Variants in DPP8 observed in about 807,000 individuals in gnomAD.
DPP8 encodes the protein DPP VIII.
In DPP8, 31 loss-of-function variants were observed where a neutral mutation model predicts 107.5. The observed-to-expected ratio is 0.29, with a 90% CI of 0.22 to 0.39. DPP8 has a LOEUF of 0.39. Ranked by LOEUF, DPP8 falls within the 10% of genes least tolerant of loss-of-function variation. The pLI is 1.00. For missense variants in DPP8, 842 were observed against 1,076.1 expected (o/e 0.78, Z 3.04); for synonymous variants, 381 against 356.6 (o/e 1.07, Z -0.77).
chr15:65,493,778 A>G (rs1165748606), intron 5 of DPP8, among the ~76,000 whole-genome samples: 1 of 152,170 alleles, frequency 6.6e-6, no homozygotes, highest in Non-Finnish European at 1.5e-5. Context: ...AGAAGCTAGG[A>G]TTTTATTACT....
intron 3 of DPP8, among the ~76,000 whole-genome samples, chr15:65,502,092 T>C (rs1256988890): frequency 1.3e-5 from 2 of 152,282 alleles, no homozygotes; most frequent in African/African-American, 4.8e-5. Flanking sequence ...AGTTTCGCCA[T>C]GTTGGCCAGG....
In DPP8 at chr15:65,499,070, A is replaced by AGTGTGTGTGT. The variant is rs56047613; in HGVS notation, c.547-1048_547-1039dup. Among the ~76,000 whole-genome samples the AGTGTGTGTGT allele has an allele frequency of 5.0e-3, 645 of 129,732 alleles. 3 individuals are homozygous for AGTGTGTGTGT. Among genetic ancestry groups the AGTGTGTGTGT allele is most frequent in the African/African-American group, 8.1e-3 (261 of 32,150 alleles). The allele number at this position is 129,732 out of a possible 152,430, so 85.1% of individuals were successfully genotyped here. On this transcript the variant is annotated intron_variant, in intron 4 of 19. Coordinates refer to ENST00000300141, the MANE Select transcript of DPP8 (RefSeq NM_130434.5). Reference sequence around the variant, plus strand: ...GACTTTGTCTCCCCCCCAAAAAAAAAGTGTGTGTGTGTGTGTGTGTGTGTG... The same window carrying AGTGTGTGTGT: ...GACTTTGTCTCCCCCCCAAAAAAAAAGTGTGTGTGTGTGTGTGTGTGTGTGTGTGTGTGTG...
intron 8 of DPP8, among the ~76,000 whole-genome samples, chr15:65,484,515 T>C (rs907059599): frequency 6.6e-6 from 1 of 152,086 alleles, no homozygotes; most frequent in African/African-American, 2.4e-5. Context: ...TCGTATTACA[T>C]GTGAGTTATA....
chr15:65,453,485 A>G (rs1382790574), intron 17 of DPP8, among the ~76,000 whole-genome samples: 4 of 152,150 alleles, frequency 2.6e-5, no homozygotes, highest in African/African-American at 9.7e-5. Flanking sequence ...ATAAAACTTG[A>G]AGGCTGGGCG....
intron 3 of DPP8, among the ~76,000 whole-genome samples, chr15:65,502,319 C>T (rs1026753948): frequency 6.0e-4 from 86 of 143,726 alleles, no homozygotes; most frequent in Admixed American, 1.5e-3. Flanking sequence ...AAAAAAAAAA[C>T]TTCAGAGCAG....
chr15:65,484,094 C>T lies in DPP8; in HGVS notation c.1017+1005G>A, dbSNP rs191519243. Among the ~76,000 whole-genome samples the T allele has an allele frequency of 1.1e-3, 163 of 152,004 alleles. 1 individual carries two copies. The highest frequency in any genetic ancestry group is 3.8e-3 in the African/African-American group (158 of 41,444). ...CTGTAATCCCAGCACTTTGGAAGGC[C>T]GAGGTGGGCAGATCATGAGGTCAGG... On this transcript the variant is annotated intron_variant, in intron 8 of 19. Transcript: ENST00000300141.
At chr15:65,477,238 T>A (rs1293592971) in intron 11 of DPP8, among the ~76,000 whole-genome samples, 1 of 151,658 alleles carries the variant, frequency 6.6e-6, no homozygotes, top group African/African-American at 2.4e-5. Flanking sequence ...CCGGCCAAAA[T>A]ACAAAAATTA....
intron 10 of DPP8, among the ~76,000 whole-genome samples, chr15:65,479,936 C>A (rs1195882865): frequency 6.6e-6 from 1 of 150,490 alleles, no homozygotes; most frequent in Non-Finnish European, 1.5e-5. Context: ...CTAGACCAGA[C>A]TCATGAAGTC....
intron 11 of DPP8, 35 bp from the exon 12 acceptor site, chr15:65,474,323 T>C: frequency 1.4e-6 from 2 of 1,411,698 alleles, no homozygotes; most frequent in South Asian, 1.2e-5. Flanking sequence ...CAGTACATTA[T>C]ACCAGACTAT....
At position 65,463,881 on chromosome 15, in the gene DPP8, TGGA is replaced by T. The variant is rs1427744349; in HGVS notation, c.1848_1850del (p.Pro617del). 6.3e-7 allele frequency: 1 copy of T among 1,593,494 alleles called. No individual in the cohort carries two copies. Among genetic ancestry groups the T allele is most frequent in the Non-Finnish European group, 8.5e-7 (1 of 1,172,474 alleles). ...TAGTACTTTCAAAAGAGAAAATTTCTGGAGGAGTATAGTCAGGAAGAGGACCTG... is the reference window on the plus strand; with the variant it reads ...TAGTACTTTCAAAAGAGAAAATTTCTGGAGTATAGTCAGGAAGAGGACCTG... On this transcript the variant is annotated inframe_deletion, in exon 15 of 20. Coordinates refer to ENST00000300141, the MANE Select transcript of DPP8 (RefSeq NM_130434.5).
At position 65,444,444 on chromosome 15, in the gene DPP8, T is replaced by C. The variant is rs2063416895; in HGVS notation, c.*2440A>G. 6.6e-6 allele frequency: 1 copy of C among 152,230 alleles called. No individual in the cohort carries two copies. The highest frequency in any genetic ancestry group is 2.4e-5 in the African/African-American group (1 of 41,450). The allele number at this position is 152,230 out of a possible 1,614,324, so 9.4% of individuals were successfully genotyped here. A position where few individuals can be genotyped will look rare whatever the true frequency, so the allele number is the denominator to read the frequency against. On this transcript the variant is annotated 3_prime_UTR_variant, in exon 20 of 20. Transcript: ENST00000300141. ...AAACTGTTGCTACTTTTATATATTCTTGCCGTTTAAGCTGTTACCCATACT... is the reference window on the plus strand; with the variant it reads ...AAACTGTTGCTACTTTTATATATTCCTGCCGTTTAAGCTGTTACCCATACT...
Position 65,511,652 on chromosome 15 carries a change from A to AC in DPP8, c.259+642_259+643insG, listed in dbSNP as rs1418320755. 4.7e-4 allele frequency among the ~76,000 whole-genome samples: 71 copies of AC among 150,804 alleles called. 1 individual carries two copies. Among genetic ancestry groups the AC allele is most frequent in the African/African-American group, 1.5e-3 (62 of 41,078 alleles). On this transcript the variant is annotated intron_variant, in intron 2 of 19. Coordinates refer to ENST00000300141, the MANE Select transcript of DPP8 (RefSeq NM_130434.5). Reference sequence around the variant, plus strand: ...GAGACCCTGTCTCAAAAAAAAAAAAAAAAAAACTATAATTATGACATGAAC... The same window carrying AC: ...GAGACCCTGTCTCAAAAAAAAAAAAACAAAAAACTATAATTATGACATGAAC...
intron 12 of DPP8, among the ~76,000 whole-genome samples, chr15:65,471,882 A>G (rs895641392): frequency 2.6e-5 from 4 of 152,188 alleles, no homozygotes; most frequent in Non-Finnish European, 4.4e-5. Flanking sequence ...TGATTTTTAC[A>G]GTAGCCAGTA....
chr15:65,511,225 G>C (rs549485122), intron 2 of DPP8, among the ~76,000 whole-genome samples: 1 of 152,162 alleles, frequency 6.6e-6, no homozygotes, highest in South Asian at 2.1e-4. Context: ...CTGGAGGTCT[G>C]GTTAAGTAAA....
Position 65,463,794 on chromosome 15 carries a change from A to G in DPP8, c.1938T>C (p.Tyr646=), listed in dbSNP as rs762648468. ...CACCATATATGAACAGCACAGTAGG[A>G]TATTTCTTTCCAGGCTGTAGATCAT... is the stretch of plus-strand genomic sequence containing the variant. ...KPHDLQPGKK[Y]PTVLFIYGGP... The change falls in exon 15 of 20, where the codon TAT becomes TAC. Residue 646 remains tyrosine (Y), a synonymous_variant. Coordinates refer to ENST00000300141, the MANE Select transcript of DPP8 (RefSeq NM_130434.5). 1.9e-6 allele frequency: 3 copies of G among 1,613,400 alleles called. No homozygotes were observed. The highest frequency in any genetic ancestry group is 1.7e-6 in the Non-Finnish European group (2 of 1,179,426).
chr15:65,502,063 G>A (rs1432748177), intron 3 of DPP8, among the ~76,000 whole-genome samples: 1 of 152,010 alleles, frequency 6.6e-6, no homozygotes, highest in African/African-American at 2.4e-5. Flanking sequence ...CTAATATTTT[G>A]CATTTTTAGT....
In DPP8 at chr15:65,500,798, C is replaced by A; in HGVS notation, c.373-19G>T. The A allele has an allele frequency of 6.3e-7, 1 of 1,584,318 alleles. No homozygotes were observed. The highest frequency in any genetic ancestry group is 1.1e-5 in the South Asian group (1 of 87,928). ...GTGTTGCCTAATGTGAAAGGAAAGT[C>A]ACCTATTCCAGTCTTCTGAAAAACC... On this transcript the variant is annotated intron_variant, in intron 3 of 19. Transcript: ENST00000300141.
At chr15:65,497,088 T>A (rs1190123190) in intron 5 of DPP8, among the ~76,000 whole-genome samples, 1 of 151,944 alleles carries the variant, frequency 6.6e-6, no homozygotes, top group Admixed American at 6.6e-5. Flanking sequence ...CAGGGTTTCA[T>A]CACGTTGGCC....
intron 5 of DPP8, among the ~76,000 whole-genome samples, chr15:65,493,832 T>G (rs2068285406): frequency 6.6e-6 from 1 of 152,144 alleles, no homozygotes; most frequent in Non-Finnish European, 1.5e-5. Context: ...CACATGTACA[T>G]ACTGATAGAC....
Sources: allele counts gnomAD v4.1 joint callset (sites outside exome capture counted in the v4.1 genomes callset), GRCh38; gene constraint gnomAD v4.1.1; transcripts MANE v1.5; gene names NCBI Gene and HGNC (gene_info 2026-07-23, HGNC 2026-07-21).